The following ITSN2 variants were observed in gnomAD, a reference collection of about 807,000 sequenced individuals.
ITSN2 encodes intersectin-2.
A neutral mutation model predicts 243.7 loss-of-function variants in ITSN2; 156 were observed. The ratio of observed to expected loss-of-function variants is 0.64; its 90% CI spans 0.56 to 0.73. The LOEUF is 0.73. Ranked by LOEUF, ITSN2 falls within the 30% of genes least tolerant of loss-of-function variation. ITSN2 has a pLI of 0.00. For missense variants in ITSN2, 1,801 were observed against 1,996.1 expected (o/e 0.90, Z 1.86); for synonymous variants, 703 against 699.9 (o/e 1.00, Z -0.07).
At chr2:24,271,539 G>GT (rs1677347454) in intron 19 of ITSN2, among the ~76,000 whole-genome samples, 1 of 152,172 alleles carries the variant, frequency 6.6e-6, no homozygotes, top group Non-Finnish European at 1.5e-5. Flanking sequence ...ACAATCAGTA[G>GT]TAACTATCTT....
At chr2:24,358,129 T>C (rs1414073580) in intron 1 of ITSN2, among the ~76,000 whole-genome samples, 1 of 152,218 alleles carries the variant, frequency 6.6e-6, no homozygotes, top group Non-Finnish European at 1.5e-5. Context: ...TTGGTCAGTC[T>C]CAAACTCCTG....
At position 24,271,809 on chromosome 2, in the gene ITSN2, T is replaced by G. The variant is rs771882498; in HGVS notation, c.2214A>C (p.Lys738Asn). The change falls in exon 19 of 40, where the codon AAA (lysine) becomes AAC (asparagine). Residue 738 changes from lysine (K) to asparagine (N), a missense_variant. Lys to Asn is a moderately conservative substitution (Grantham distance 94). Transcript: ENST00000355123. Reference sequence around the variant, plus strand: ...TCAAAGTATCCTTATCCTTACGTTGTTTCTCCTCAGCTTTCCGTTCCTCTT... The same window carrying G: ...TCAAAGTATCCTTATCCTTACGTTGGTTCTCCTCAGCTTTCCGTTCCTCTT... ...IQEEERKAEE[K>N]QRKDKDTLKA... 16 of 1,606,950 alleles carry G rather than the reference T, an allele frequency of 1.0e-5. No homozygotes were observed. In the South Asian group the frequency reaches 1.8e-4, roughly 18 times the overall value.
chr2:24,328,008 A>G, intron 2 of ITSN2, 44 bp downstream of exon 2: 1 of 1,580,056 alleles, frequency 6.3e-7, no homozygotes. Flanking sequence ...CAAAAAAAAA[A>G]AAAATCCATA....
At chr2:24,210,502 C>T (rs896399006) in intron 34 of ITSN2, among the ~76,000 whole-genome samples, 4 of 150,274 alleles carry the variant, frequency 2.7e-5, no homozygotes, top group Non-Finnish European at 5.9e-5. Flanking sequence ...GTCCCAGCTA[C>T]TTGGGAGATG....
chr2:24,325,929 A>G (rs538207261), intron 2 of ITSN2, among the ~76,000 whole-genome samples: 1 of 151,720 alleles, frequency 6.6e-6, no homozygotes, highest in East Asian at 1.9e-4. Context: ...GTATATACAT[A>G]CACACACACA....
rs749129917 is a variant in ITSN2, at chr2:24,210,022, G to GA, written c.4268dup (p.Asn1424GlnfsTer34). Reference sequence around the variant, plus strand: ...GCCCCAGGCAGTTGGTGAGAGAGTTGAAAATAAGTTGCTTAAAGAGAAAGA... The same window carrying GA: ...GCCCCAGGCAGTTGGTGAGAGAGTTGAAAAATAAGTTGCTTAAAGAGAAAGA... On this transcript the variant is annotated frameshift_variant, in exon 35 of 40. Transcript: ENST00000355123. LOFTEE classifies it high-confidence loss of function. 1 of 1,612,810 alleles carries GA rather than the reference G, an allele frequency of 6.2e-7. No individual in the cohort carries two copies. The highest frequency in any genetic ancestry group is 8.5e-7 in the Non-Finnish European group (1 of 1,179,010).
chr2:24,340,546 G>A (rs1193167438), intron 1 of ITSN2, among the ~76,000 whole-genome samples: 3 of 151,624 alleles, frequency 2.0e-5, no homozygotes, highest in South Asian at 2.1e-4. Flanking sequence ...CAAAATCGTC[G>A]CAGTCCCCAA....
At chr2:24,247,375 T>C (rs1268091790) in intron 27 of ITSN2, among the ~76,000 whole-genome samples, 2 of 152,234 alleles carry the variant, frequency 1.3e-5, no homozygotes, top group Non-Finnish European at 2.9e-5. Context: ...TCTACTGCAC[T>C]CTGCCCCATG....
At chr2:24,300,277 A>T in intron 11 of ITSN2, 106 bp from the exon 12 acceptor site, 1 of 975,188 alleles carries the variant, frequency 1.0e-6, no homozygotes, top group South Asian at 1.9e-5. Context: ...TGCTATCAGT[A>T]TTTGAATACT....
chr2:24,206,796 G>A (rs183377888), intron 37 of ITSN2, among the ~76,000 whole-genome samples: 93 of 152,294 alleles, frequency 6.1e-4, no homozygotes, highest in African/African-American at 2.2e-3. Flanking sequence ...AACAGAGGAT[G>A]AGCGCCCGGA....
At chr2:24,336,634 C>G (rs1244646654) in intron 1 of ITSN2, among the ~76,000 whole-genome samples, 1 of 152,168 alleles carries the variant, frequency 6.6e-6, no homozygotes, top group Non-Finnish European at 1.5e-5. Context: ...TTCTTTGATT[C>G]CCAATTCAAA....
Position 24,353,498 on chromosome 2 carries a change from G to A in ITSN2, c.-34+6806C>T, listed in dbSNP as rs181149487. 4.6e-5 allele frequency among the ~76,000 whole-genome samples: 7 copies of A among 152,290 alleles called. 1 individual carries two copies. The highest frequency in any genetic ancestry group is 1.4e-4 in the African/African-American group (6 of 41,550). Reference sequence around the variant, plus strand: ...GAGGTGGGAGGATGGCTTGAGCCCAGGAGAAGGAGGTTGCAGTGAGCTGAG... The same window carrying A: ...GAGGTGGGAGGATGGCTTGAGCCCAAGAGAAGGAGGTTGCAGTGAGCTGAG... On this transcript the variant is annotated intron_variant, in intron 1 of 39. Transcript: ENST00000355123.
chr2:24,355,599 C>T (rs1688372606), intron 1 of ITSN2, among the ~76,000 whole-genome samples: 1 of 152,222 alleles, frequency 6.6e-6, no homozygotes, highest in African/African-American at 2.4e-5. Context: ...GAATTAAAGA[C>T]TTAAATATAA....
intron 16 of ITSN2, among the ~76,000 whole-genome samples, chr2:24,285,939 G>A (rs922826990): frequency 4.6e-5 from 7 of 152,086 alleles, no homozygotes; most frequent in African/African-American, 1.7e-4. Flanking sequence ...TACTGACAAA[G>A]GCAATTGTTC....
At chr2:24,203,974 A>G (rs1668578482) in intron 39 of ITSN2, 191 bp from the exon 40 acceptor site, 4 of 645,644 alleles carry the variant, frequency 6.2e-6, no homozygotes, top group African/African-American at 1.8e-5. Context: ...AAGCTGCCAC[A>G]TGGAATTCAA....
intron 14 of ITSN2, among the ~76,000 whole-genome samples, chr2:24,295,177 G>A (rs375692448): frequency 3.9e-5 from 6 of 152,152 alleles, no homozygotes; most frequent in Non-Finnish European, 7.3e-5. Flanking sequence ...TTAACCAGAC[G>A]TCTAGCAGAG....
At chr2:24,323,551 G>C (rs1684821570) in intron 2 of ITSN2, among the ~76,000 whole-genome samples, 2 of 152,216 alleles carry the variant, frequency 1.3e-5, no homozygotes, top group South Asian at 2.1e-4. Flanking sequence ...AATCTGATTA[G>C]TGGTTGCCAA....
Position 24,308,703 on chromosome 2 carries a change from G to C in ITSN2, c.707C>G (p.Ser236Ter). The C allele has an allele frequency of 6.5e-7, 1 of 1,530,998 alleles. No homozygotes were observed. The highest frequency in any genetic ancestry group is 1.4e-5 in the African/African-American group (1 of 72,600). 94.8% of individuals were successfully genotyped at this position (1,530,998 alleles called of 1,614,324 possible). The part of the protein sequence containing the change: ...LSGNSPKTGT[S>*]EWAVPQPTRL... ...TGTAGGCTGAGGAACTGCCCACTCT[G>C]AGGTCCCAGTCTTGGGTGAGTTCCC... The change falls in exon 8 of 40, where the codon TCA becomes TGA. Residue 236 changes from serine to a stop codon, truncating the protein, a stop_gained. Transcript: ENST00000355123. LOFTEE classifies it high-confidence loss of function.
chr2:24,317,308 C>T (rs1000149608), intron 2 of ITSN2, among the ~76,000 whole-genome samples: 10 of 148,732 alleles, frequency 6.7e-5, no homozygotes, highest in African/African-American at 9.9e-5. Context: ...CATTTGAACC[C>T]GGGAGGTGGA....
Sources: gnomAD v4.1 joint callset for allele counts (sites outside exome capture counted in the v4.1 genomes callset) on GRCh38, gnomAD v4.1.1 for gene constraint, MANE v1.5 for transcripts, NCBI Gene and HGNC (gene_info 2026-07-23, HGNC 2026-07-21) for gene names.